The following GPHN variants were observed in gnomAD, a reference collection of about 807,000 sequenced individuals.
GPHN encodes gephyrin.
In GPHN, 17 loss-of-function variants were observed where a neutral mutation model predicts 95.5. The observed-to-expected ratio is 0.18, with a 90% CI of 0.12 to 0.27. The LOEUF (loss-of-function observed/expected upper bound fraction) is 0.27, where lower values mean the gene tolerates loss of function less well. GPHN is among the 10% of genes least tolerant of loss of function. The probability of loss-of-function intolerance (pLI) is 1.00; values close to 1 mark genes in which losing one functional copy is unlikely to be tolerated. For missense variants in GPHN, 660 were observed against 978.1 expected (o/e 0.67, Z 4.34); for synonymous variants, 320 against 322.5 (o/e 0.99, Z 0.08).
At chr14:66,994,323 G>A (rs569657820) in intron 9 of GPHN, among the ~76,000 whole-genome samples, 8 of 151,824 alleles carry the variant, frequency 5.3e-5, no homozygotes, top group Non-Finnish European at 1.0e-4. Flanking sequence ...CCGAGATCAC[G>A]CCATTGCACT....
chr14:67,095,189 T>C (rs1354017524), intron 12 of GPHN, among the ~76,000 whole-genome samples: 3 of 152,224 alleles, frequency 2.0e-5, no homozygotes, highest in Non-Finnish European at 2.9e-5. Flanking sequence ...TTCACTAATT[T>C]TTTTATTCCT....
At chr14:66,916,207 T>G (rs1300831520) in intron 6 of GPHN, 138 bp downstream of exon 6, 8 of 697,136 alleles carry the variant, frequency 1.1e-5, no homozygotes, top group Admixed American at 2.1e-5. Flanking sequence ...AAAGTCACTC[T>G]TGGGTTCAGT....
At chr14:67,055,846 G>T (rs2075539009) in intron 10 of GPHN, among the ~76,000 whole-genome samples, 1 of 152,190 alleles carries the variant, frequency 6.6e-6, no homozygotes, top group Non-Finnish European at 1.5e-5. Context: ...CTTCCTTCTG[G>T]TGGGTTCGTG....
the GPHN span, among the ~76,000 whole-genome samples, chr14:67,235,425 A>G: frequency 6.6e-6 from 1 of 152,048 alleles, no homozygotes; most frequent in Admixed American, 6.6e-5. Flanking sequence ...CGGAAATAAA[A>G]TTTCTCAGGG....
At position 66,956,203 on chromosome 14, in the gene GPHN, TA is replaced by T. The variant is rs547523651; in HGVS notation, c.829-8984del. On this transcript the variant is annotated intron_variant, in intron 8 of 22. Coordinates refer to ENST00000478722, the MANE Select transcript of GPHN (RefSeq NM_020806.5). ...ATTGATATGAAATCTTTCTTCTTTTTAAAAGTAGATGTTTACAGCTATAAGT... is the reference window on the plus strand; with the variant it reads ...ATTGATATGAAATCTTTCTTCTTTTTAAAGTAGATGTTTACAGCTATAAGT... 1.6e-3 allele frequency among the ~76,000 whole-genome samples: 243 copies of T among 152,322 alleles called. 1 individual carries two copies. Among genetic ancestry groups the T allele is most frequent in the Admixed American group, 5.6e-3 (85 of 15,302 alleles).
intron 16 of GPHN, among the ~76,000 whole-genome samples, chr14:67,119,134 C>G (rs2078866875): frequency 3.9e-5 from 6 of 152,204 alleles, no homozygotes; most frequent in Admixed American, 2.6e-4. Context: ...TGTGGAACTA[C>G]TGTTAAAACA....
At chr14:66,954,029 C>T (rs1596492153) in intron 8 of GPHN, among the ~76,000 whole-genome samples, 2 of 82,256 alleles carry the variant, frequency 2.4e-5, no homozygotes, top group Non-Finnish European at 2.4e-5. Flanking sequence ...GAGCAAAACT[C>T]GGTCTCAAAA....
intron 17 of GPHN, among the ~76,000 whole-genome samples, chr14:67,123,693 A>G (rs997917940): frequency 6.6e-6 from 1 of 152,094 alleles, no homozygotes; most frequent in Non-Finnish European, 1.5e-5. Flanking sequence ...AAATAAGTAA[A>G]CAAATTAAGC....
intron 15 of GPHN, among the ~76,000 whole-genome samples, chr14:67,112,460 A>G (rs1243857770): frequency 6.6e-6 from 1 of 152,230 alleles, no homozygotes; most frequent in Non-Finnish European, 1.5e-5. Context: ...TCCCTTTGTA[A>G]CGAAGCTACA....
chr14:67,653,465 G>T, the GPHN span: 3 of 1,613,938 alleles, frequency 1.9e-6, no homozygotes, highest in South Asian at 1.1e-5. Context: ...AGAATCTTCC[G>T]ACTTTTGCTC....
chr14:67,277,383 A>G, the GPHN span, among the ~76,000 whole-genome samples: 1 of 152,176 alleles, frequency 6.6e-6, no homozygotes, highest in Non-Finnish European at 1.5e-5. Flanking sequence ...GGTTTTCCTG[A>G]TAGCCTAGTT....
At chr14:67,088,917 G>A in intron 11 of GPHN, 66 bp from the exon 12 acceptor site, 1 of 893,058 alleles carries the variant, frequency 1.1e-6, no homozygotes, top group South Asian at 1.3e-5. Flanking sequence ...TGCCCATCTT[G>A]TTTATGACTG....
chr14:67,221,755 G>A, the GPHN span: 1 of 1,612,100 alleles, frequency 6.2e-7, no homozygotes, highest in African/African-American at 1.3e-5. Context: ...GCAAATTTTT[G>A]AGATGTGCTA....
chr14:67,467,929 C>T, the GPHN span: 7 of 151,880 alleles, frequency 4.6e-5, no homozygotes, highest in African/African-American at 1.4e-4. Context: ...GCCGCAGTCA[C>T]GGTACTGGCA....
At chr14:67,532,137 G>C in the GPHN span, among the ~76,000 whole-genome samples, 5 of 152,096 alleles carry the variant, frequency 3.3e-5, no homozygotes, top group Non-Finnish European at 7.4e-5. Context: ...CTCACGTTTG[G>C]CCTCCTGCAC....
At chr14:66,565,455 C>T (rs1173891009) in intron 1 of GPHN, among the ~76,000 whole-genome samples, 3 of 152,190 alleles carry the variant, frequency 2.0e-5, no homozygotes, top group Non-Finnish European at 2.9e-5. Flanking sequence ...TGCACCACCA[C>T]ACCCAGCTAA....
At chr14:67,616,772 TA>T in the GPHN span, 1 of 152,138 alleles carries the variant, frequency 6.6e-6, no homozygotes, top group Non-Finnish European at 1.5e-5. Context: ...CTTATGTTCA[TA>T]TACACCTCAT....
chr14:67,323,652 A>G, the GPHN span: 1 of 674,584 alleles, frequency 1.5e-6, no homozygotes, highest in Admixed American at 2.9e-5. Flanking sequence ...ATTATTAGGA[A>G]GTAATTAAAT....
chr14:67,070,684 G>C (rs1420544074), intron 11 of GPHN, among the ~76,000 whole-genome samples: 1 of 84,698 alleles, frequency 1.2e-5, no homozygotes, highest in Admixed American at 1.7e-4. Context: ...GACAGAGTGA[G>C]ACTTCATCTC....
Sources: gnomAD v4.1 joint callset for allele counts (sites outside exome capture counted in the v4.1 genomes callset) on GRCh38, gnomAD v4.1.1 for gene constraint, MANE v1.5 for transcripts, NCBI Gene and HGNC (gene_info 2026-07-23, HGNC 2026-07-21) for gene names.